TICAM1: variants seen among roughly 807,000 people sequenced by gnomAD.
The protein encoded by TICAM1 is TIR domain-containing adapter molecule 1.
For synonymous variants in TICAM1, 439 were observed against 415.4 expected, an observed-to-expected ratio of 1.06 and a Z score of -0.69; for missense variants, 895 against 938.2, an observed-to-expected ratio of 0.95 and a Z score of 0.60.
intron 1 of TICAM1, among the ~76,000 whole-genome samples, chr19:4,827,842 A>G (rs1474292005): frequency 6.6e-6 from 1 of 151,902 alleles, no homozygotes; most frequent in African/African-American, 2.4e-5. Flanking sequence ...AACTACTTGG[A>G]ATACGGTCCA....
In TICAM1 at chr19:4,818,210, C is replaced by T. The variant is rs2093591181; in HGVS notation, c.168G>A (p.Glu56=). The T allele has an allele frequency of 1.2e-5, 19 of 1,613,010 alleles. No homozygotes were observed. The highest frequency in any genetic ancestry group is 1.5e-5 in the Non-Finnish European group (18 of 1,179,964). Residue 56 remains glutamate (E), a synonymous_variant, in exon 2 of 2, where the codon GAG becomes GAA. Coordinates refer to ENST00000248244, the MANE Select transcript of TICAM1 (RefSeq NM_182919.4). The surrounding 1 kb of genome is among the most constrained non-coding windows in gnomAD (Gnocchi z 4.0). ...TCAATGCCTCTAGAGAGATCCTGGC[C>T]TCAGTTTCCTGGCCCAGCTTCAGGA... ...MVLLKLGQET[E]ARISLEALKA...
intron 1 of TICAM1, among the ~76,000 whole-genome samples, chr19:4,819,105 C>T (rs11466712): frequency 0.14 from 21,738 of 150,184 alleles, 1,618 homozygotes; most frequent in Middle Eastern, 0.2. Flanking sequence ...AGTGAAACTC[C>T]GGCTCAAAAA....
chr19:4,828,416 T>C (rs1009403307), intron 1 of TICAM1, among the ~76,000 whole-genome samples: 1 of 151,828 alleles, frequency 6.6e-6, no homozygotes, highest in Non-Finnish European at 1.5e-5. Flanking sequence ...ATTAATGTTT[T>C]GTAGGGACGG....
chr19:4,829,850 G>A (rs927184431), intron 1 of TICAM1, among the ~76,000 whole-genome samples: 12 of 116,616 alleles, frequency 1.0e-4, no homozygotes, highest in Admixed American at 2.4e-4. Context: ...TTGCTGTGTC[G>A]CCCAGGCTGG....
chr19:4,827,994 TGA>T (rs2093608420), intron 1 of TICAM1, among the ~76,000 whole-genome samples: 1 of 152,010 alleles, frequency 6.6e-6, no homozygotes, highest in Admixed American at 6.6e-5. Flanking sequence ...AATTTTTAGC[TGA>T]TAAGAGGGCA....
At chr19:4,827,088 C>A (rs571394587) in intron 1 of TICAM1, among the ~76,000 whole-genome samples, 2 of 152,022 alleles carry the variant, frequency 1.3e-5, no homozygotes, top group South Asian at 4.1e-4. Flanking sequence ...CAGTGGCTCA[C>A]GCCTGTAATC....
At chr19:4,828,587 G>A (rs2093609220) in intron 1 of TICAM1, among the ~76,000 whole-genome samples, 1 of 151,984 alleles carries the variant, frequency 6.6e-6, no homozygotes, top group South Asian at 2.1e-4. Flanking sequence ...AGGCTGGAGT[G>A]CAGTGGTGCG....
intron 1 of TICAM1, among the ~76,000 whole-genome samples, chr19:4,823,459 T>G (rs2093601001): frequency 7.6e-6 from 1 of 130,892 alleles, no homozygotes; most frequent in Non-Finnish European, 1.6e-5. Context: ...AGCAAGACTC[T>G]GTCTTAAAAA....
In TICAM1 at chr19:4,818,048, G is replaced by A. The variant is rs373242041; in HGVS notation, c.330C>T (p.Pro110=). The part of the protein sequence containing the change: ...YHLLAEEKLC[P]ASLRDVAYQE... ...GGTAGGCCACGTCCCGCAGCGAGGC[G>A]GGGCACAGCTTCTCCTCAGCCAGCA... The change falls in exon 2 of 2, where the codon CCC becomes CCT. Residue 110 remains proline, a synonymous_variant. Transcript: ENST00000248244. The surrounding 1 kb of genome is among the most constrained non-coding windows in gnomAD (Gnocchi z 4.0). 6.8e-5 allele frequency: 109 copies of A among 1,608,456 alleles called. No homozygotes were observed. Among genetic ancestry groups the A allele is most frequent in the Non-Finnish European group, 8.8e-5 (104 of 1,179,926 alleles).
At chr19:4,831,324 G>C (rs937919818) in intron 1 of TICAM1, among the ~76,000 whole-genome samples, 1 of 151,680 alleles carries the variant, frequency 6.6e-6, no homozygotes, top group Admixed American at 6.6e-5. Context: ...TGGGGTGTCC[G>C]GGAGGAATCT....
rs1420921131 is a variant in TICAM1 at position 4,817,589 on chromosome 19, G to A, written c.789C>T (p.Ser263=). The change falls in exon 2 of 2, where the codon AGC becomes AGT. Residue 263 remains serine, a synonymous_variant. Transcript: ENST00000248244. This position sits in a 1 kb window ranked among gnomAD's most constrained non-coding sequence, Gnocchi z 4.7. ...MSWPPSGEIA[S]PPELPSSPPP... ...GTGGGCTGCTTGGCAGCTCTGGTGG[G>A]CTGGCAATCTCCCCCGATGGCGGCC... The A allele has an allele frequency of 1.9e-6, 3 of 1,608,152 alleles. No individual in the cohort carries two copies. Among genetic ancestry groups the A allele is most frequent in the Non-Finnish European group, 2.5e-6 (3 of 1,177,674 alleles).
At chr19:4,829,186 A>G (rs755098236) in intron 1 of TICAM1, among the ~76,000 whole-genome samples, 3 of 152,328 alleles carry the variant, frequency 2.0e-5, no homozygotes, top group Middle Eastern at 3.4e-3. Flanking sequence ...CACAAACATT[A>G]GCATGCAAGA....
chr19:4,819,363 G>T (rs2093593446), intron 1 of TICAM1, among the ~76,000 whole-genome samples: 1 of 152,090 alleles, frequency 6.6e-6, no homozygotes, highest in South Asian at 2.1e-4. Flanking sequence ...ATTTACAGAT[G>T]AAGAAAGCAA....
At chr19:4,821,905 A>C (rs2093598168) in intron 1 of TICAM1, among the ~76,000 whole-genome samples, 1 of 143,302 alleles carries the variant, frequency 7.0e-6, no homozygotes, top group East Asian at 2.1e-4. Flanking sequence ...CGGCCTCCCA[A>C]AGTGTTGGGA....
At chr19:4,829,349 C>T (rs1407447008) in intron 1 of TICAM1, among the ~76,000 whole-genome samples, 1 of 152,188 alleles carries the variant, frequency 6.6e-6, no homozygotes, top group African/African-American at 2.4e-5. Context: ...CTCTCTGCCC[C>T]CCCGGGCCTG....
chr19:4,829,860 G>C (rs1054133929), intron 1 of TICAM1, among the ~76,000 whole-genome samples: 4 of 140,768 alleles, frequency 2.8e-5, no homozygotes, highest in African/African-American at 1.1e-4. Context: ...GCCCAGGCTG[G>C]AGTGCAGTGG....
In TICAM1 at chr19:4,817,573, T is replaced by G. The variant is rs2093589047; in HGVS notation, c.805A>C (p.Ser269Arg). Reference sequence around the variant, plus strand: ...TCGGGAAGCCCAGGAGGTGGGCTGCTTGGCAGCTCTGGTGGGCTGGCAATC... The same window carrying G: ...TCGGGAAGCCCAGGAGGTGGGCTGCGTGGCAGCTCTGGTGGGCTGGCAATC... The part of the protein sequence containing the change: ...GEIASPPELP[S>R]SPPPGLPEVA... Residue 269 changes from serine (S) to arginine (R), a missense_variant, in exon 2 of 2, where the codon AGC becomes CGC. Coordinates refer to ENST00000248244, the MANE Select transcript of TICAM1 (RefSeq NM_182919.4). This position sits in a 1 kb window ranked among gnomAD's most constrained non-coding sequence, Gnocchi z 4.7. 4 of 1,611,526 alleles carry G rather than the reference T, an allele frequency of 2.5e-6. No homozygotes were observed. The highest frequency in any genetic ancestry group is 2.5e-6 in the Non-Finnish European group (3 of 1,179,164).
In TICAM1 at chr19:4,824,395, C is replaced by T. The variant is rs7254685; in HGVS notation, c.-139-5879G>A. 7.9e-3 allele frequency among the ~76,000 whole-genome samples: 1,120 copies of T among 141,640 alleles called. 6 individuals carry two copies. The highest frequency in any genetic ancestry group is 0.012 in the Middle Eastern group (3 of 254). The allele number at this position is 141,640 out of a possible 152,430, so 92.9% of individuals were successfully genotyped here. A position where few individuals can be genotyped will look rare whatever the true frequency, so the allele number is the denominator to read the frequency against. ...TGTCATCCAGGCCGGAGTGCAGTGA[C>T]GCAATCTCAGCTCACTGCAACCTCC... On this transcript the variant is annotated intron_variant, in intron 1 of 1. Coordinates refer to ENST00000248244, the MANE Select transcript of TICAM1 (RefSeq NM_182919.4).
chr19:4,816,010 G>C lies in TICAM1; in HGVS notation c.*229C>G. Reference sequence around the variant, plus strand: ...CCAAGACCCTTCACCCAGAAATAGAGAGATTGGAATTGTAAACACCGTATC... The same window carrying C: ...CCAAGACCCTTCACCCAGAAATAGACAGATTGGAATTGTAAACACCGTATC... On this transcript the variant is annotated 3_prime_UTR_variant, in exon 2 of 2. Transcript: ENST00000248244. The surrounding 1 kb of genome is among the most constrained non-coding windows in gnomAD (Gnocchi z 4.3). 2.1e-6 allele frequency: 1 copy of C among 469,194 alleles called. No homozygotes were observed. Among genetic ancestry groups the C allele is most frequent in the Non-Finnish European group, 3.4e-6 (1 of 293,074 alleles). The allele number at this position is 469,194 out of a possible 1,614,324, so 29.1% of individuals were successfully genotyped here. A position where few individuals can be genotyped will look rare whatever the true frequency, so the allele number is the denominator to read the frequency against.
Sources: gnomAD v4.1 joint callset for allele counts (sites outside exome capture counted in the v4.1 genomes callset) on GRCh38, gnomAD v4.1.1 for gene constraint, Gnocchi (gnomAD v3.1) non-coding constraint, MANE v1.5 for transcripts, NCBI Gene and HGNC (gene_info 2026-07-23, HGNC 2026-07-21) for gene names.